The following SHANK2 variants were observed in gnomAD, a reference collection of about 807,000 sequenced individuals.
The protein encoded by SHANK2 is SH3 and multiple ankyrin repeat domains protein 2.
SHANK2 carries 43 observed loss-of-function variants against 133.7 expected under a neutral mutation model. That is an observed-to-expected ratio of 0.32 (90% CI 0.25 to 0.41). SHANK2 has a LOEUF of 0.41. Among genes scored for constraint, SHANK2 ranks in the 10% least tolerant of loss-of-function variants. The pLI is 1.00. For synonymous variants in SHANK2, 1,017 were observed against 952.8 expected (o/e 1.07, Z -1.24); for missense variants, 1,994 against 2,235.8 (o/e 0.89, Z 2.18).
At chr11:71,237,383 A>G (rs1215615179) in intron 1 of SHANK2, among the ~76,000 whole-genome samples, 1 of 152,252 alleles carries the variant, frequency 6.6e-6, no homozygotes, top group Non-Finnish European at 1.5e-5. Flanking sequence ...TCCCTCATGT[A>G]TTGCCTTTGA....
rs532285413 is a variant in SHANK2, at chr11:70,881,394, G to A, written c.1174+15107C>T. Among the ~76,000 whole-genome samples, 4 of 151,856 alleles carry A rather than the reference G, an allele frequency of 2.6e-5. No individual in the cohort carries two copies. In the South Asian group the frequency reaches 8.3e-4, roughly 32 times the overall value. On this transcript the variant is annotated intron_variant, in intron 11 of 25. Coordinates refer to ENST00000601538, the MANE Select transcript of SHANK2 (RefSeq NM_012309.5). ...CATGAAGCAGGTGGGTGAATCAGGG[G>A]TACAAGATAGACACAAATCTTAAAA...
chr11:70,573,556 G>GGA (rs1554983572), intron 17 of SHANK2, among the ~76,000 whole-genome samples: 1 of 125,084 alleles, frequency 8.0e-6, no homozygotes, highest in East Asian at 2.6e-4. Flanking sequence ...GGGCGGGGGG[G>GGA]GGGTGGGGCA....
chr11:70,843,090 TG>T lies in SHANK2; in HGVS notation c.1175-22409del, dbSNP rs1174799300. Among the ~76,000 whole-genome samples, 4 of 152,030 alleles carry T rather than the reference TG, an allele frequency of 2.6e-5. No individual in the cohort carries two copies. In the East Asian group the frequency reaches 7.7e-4, roughly 29 times the overall value. On this transcript the variant is annotated intron_variant, in intron 11 of 25. Transcript: ENST00000601538. The stretch of plus-strand genomic sequence containing the variant: ...TGGACTCTCACAGCATGTGGAAGGC[TG>T]GGGTGTGAGCCCAGAGCTGAGGCTG...
chr11:71,210,239 TATA>T (rs1565516719), intron 2 of SHANK2, among the ~76,000 whole-genome samples: 7 of 105,858 alleles, frequency 6.6e-5, no homozygotes, highest in African/African-American at 3.4e-4. Context: ...TATATATATA[TATA>T]TATATATATA....
chr11:71,253,199 A>G (rs1021262104), upstream of SHANK2, among the ~76,000 whole-genome samples: 3 of 152,154 alleles, frequency 2.0e-5, no homozygotes, highest in Non-Finnish European at 4.4e-5. Context: ...CCAGAGGCCA[A>G]AGGCACCCTC....
intron 8 of SHANK2, among the ~76,000 whole-genome samples, chr11:71,091,124 A>G (rs575229177): frequency 6.6e-5 from 10 of 152,236 alleles, no homozygotes; most frequent in Non-Finnish European, 1.5e-4. Flanking sequence ...TTTCATAAAG[A>G]AAAGCACAAT....
At chr11:70,941,354 C>T (rs1555084381) in intron 10 of SHANK2, among the ~76,000 whole-genome samples, 1 of 152,176 alleles carries the variant, frequency 6.6e-6, no homozygotes, top group Admixed American at 6.5e-5. Flanking sequence ...TGACAGCAGG[C>T]CGTGTGTTGA....
chr11:70,935,016 G>A (rs1950552224), intron 10 of SHANK2, among the ~76,000 whole-genome samples: 1 of 152,204 alleles, frequency 6.6e-6, no homozygotes, highest in Non-Finnish European at 1.5e-5. Context: ...AAACGGCCGT[G>A]CCTATGACAG....
intron 14 of SHANK2, among the ~76,000 whole-genome samples, chr11:70,785,851 C>A (rs1018710424): frequency 1.3e-5 from 2 of 152,160 alleles, no homozygotes; most frequent in South Asian, 4.1e-4. Context: ...TGCACCAGGT[C>A]GAGGGAGTGG....
intron 17 of SHANK2, among the ~76,000 whole-genome samples, chr11:70,515,210 T>C (rs2059249272): frequency 6.6e-6 from 1 of 152,200 alleles, no homozygotes; most frequent in Non-Finnish European, 1.5e-5. Flanking sequence ...CTAATGATTT[T>C]GTATTCTGTG....
chr11:70,492,276 A>G (rs1555155987), intron 22 of SHANK2, 59 bp downstream of exon 22: 2 of 1,599,446 alleles, frequency 1.3e-6, no homozygotes, highest in Non-Finnish European at 1.7e-6. Context: ...GAGACAGCCC[A>G]CCCACTTCCT....
chr11:71,132,925 G>C lies in SHANK2; in HGVS notation c.208-13893C>G, dbSNP rs369863356. ...ATTGTTGTATTACAGAGACAGTGGA[G>C]GCAGAGGGAAGGCTGAGGGGCTGGG... On this transcript the variant is annotated intron_variant, in intron 3 of 25. Transcript: ENST00000601538. Among the ~76,000 whole-genome samples the C allele has an allele frequency of 3.3e-5, 5 of 152,260 alleles. No individual in the cohort carries two copies. In the East Asian group the frequency reaches 5.8e-4, roughly 18 times the overall value.
At chr11:71,168,777 G>A (rs1203109632) in intron 2 of SHANK2, among the ~76,000 whole-genome samples, 3 of 151,014 alleles carry the variant, frequency 2.0e-5, no homozygotes, top group Admixed American at 1.3e-4. Flanking sequence ...CGGCATCAGA[G>A]GGAGACCGTG....
Position 70,620,746 on chromosome 11 carries a change from T to G in SHANK2, c.2061+39082A>C, listed in dbSNP as rs189987682. On this transcript the variant is annotated intron_variant, in intron 17 of 25. Coordinates refer to ENST00000601538, the MANE Select transcript of SHANK2 (RefSeq NM_012309.5). ...CCCTGATCCAATGGGATTAGTGTCC[T>G]TATAAGAAGAAACTCCAGAGAGCTT... is the stretch of plus-strand genomic sequence containing the variant. 2.3e-3 allele frequency among the ~76,000 whole-genome samples: 350 copies of G among 152,298 alleles called. 1 individual carries two copies. The highest frequency in any genetic ancestry group is 5.8e-3 in the Admixed American group (89 of 15,300).
intron 1 of SHANK2, among the ~76,000 whole-genome samples, chr11:71,239,633 G>T (rs1032756299): frequency 6.6e-6 from 1 of 151,918 alleles, no homozygotes. Context: ...GCTAATACTT[G>T]TTTTTTGTTT....
At chr11:70,475,379 G>A (rs1555149927) in intron 25 of SHANK2, among the ~76,000 whole-genome samples, 1 of 152,196 alleles carries the variant, frequency 6.6e-6, no homozygotes, top group Non-Finnish European at 1.5e-5. Flanking sequence ...TATGCACAAA[G>A]CTAATGGCCC....
At chr11:70,892,343 C>A (rs922708419) in intron 11 of SHANK2, among the ~76,000 whole-genome samples, 1 of 149,386 alleles carries the variant, frequency 6.7e-6, no homozygotes. Flanking sequence ...AGGAGATACC[C>A]CTCTAACTAT....
At chr11:70,905,000 G>A (rs1490228085) in intron 10 of SHANK2, among the ~76,000 whole-genome samples, 4 of 152,118 alleles carry the variant, frequency 2.6e-5, no homozygotes, top group Non-Finnish European at 5.9e-5. Context: ...GCGTGAAAAT[G>A]GACTAATACA....
At chr11:70,717,052 C>T (rs575216312) in intron 14 of SHANK2, among the ~76,000 whole-genome samples, 4 of 152,332 alleles carry the variant, frequency 2.6e-5, no homozygotes, top group South Asian at 2.1e-4. Flanking sequence ...CCCTCTCCAC[C>T]GTTACCACGC....
Sources: allele counts gnomAD v4.1 joint callset (sites outside exome capture counted in the v4.1 genomes callset), GRCh38; gene constraint gnomAD v4.1.1; transcripts MANE v1.5; gene names NCBI Gene and HGNC (gene_info 2026-07-23, HGNC 2026-07-21).